The following ABCD3 variants were observed in gnomAD, a reference collection of about 807,000 sequenced individuals.
The protein encoded by ABCD3 is ATP binding cassette subfamily D member 3.
Under a neutral mutation model 105.5 loss-of-function variants are expected in ABCD3, and 41 were observed. That is an observed-to-expected ratio of 0.39 (90% CI 0.30 to 0.50). The LOEUF is 0.50. Among genes scored for constraint, ABCD3 ranks in the 20% least tolerant of loss-of-function variants. ABCD3 has a pLI of 0.84. For missense variants in ABCD3, 622 were observed against 806.3 expected (o/e 0.77, Z 2.77); for synonymous variants, 258 against 269.0 (o/e 0.96, Z 0.40).
the ABCD3 span, among the ~76,000 whole-genome samples, chr1:94,388,250 T>C: frequency 6.6e-6 from 1 of 152,216 alleles, no homozygotes; most frequent in African/African-American, 2.4e-5. Flanking sequence ...TGAAAGAAAT[T>C]CCGTTTAAAC....
intron 16 of ABCD3, among the ~76,000 whole-genome samples, chr1:94,497,140 G>A (rs1020730491): frequency 7.2e-5 from 11 of 151,984 alleles, no homozygotes; most frequent in Non-Finnish European, 1.0e-4. Flanking sequence ...CCGCTCCCAA[G>A]TTCCCTTTGT....
intron 21 of ABCD3, chr1:94,514,941 T>C: frequency 1.8e-6 from 1 of 545,808 alleles, no homozygotes; most frequent in Non-Finnish European, 3.3e-6. Flanking sequence ...TTAATGCCAG[T>C]ACCTGGTAGT....
chr1:94,427,715 A>T (rs557895226), intron 1 of ABCD3, among the ~76,000 whole-genome samples: 15 of 152,334 alleles, frequency 9.8e-5, no homozygotes, highest in African/African-American at 3.6e-4. Context: ...TCTCCAAGCG[A>T]TCGCCTGCCT....
At chr1:94,400,975 G>T in the ABCD3 span, among the ~76,000 whole-genome samples, 1 of 152,088 alleles carries the variant, frequency 6.6e-6, no homozygotes, top group Admixed American at 6.5e-5. Context: ...GAGGGGAACT[G>T]GTGGCTAGCA....
intron 1 of ABCD3, among the ~76,000 whole-genome samples, chr1:94,449,100 T>C (rs1340808205): frequency 2.6e-5 from 4 of 152,090 alleles, no homozygotes; most frequent in South Asian, 2.1e-4. Flanking sequence ...GGGGTAGAGG[T>C]TATGCTTGTG....
intron 18 of ABCD3, 42 bp from the exon 19 acceptor site, chr1:94,498,903 T>A: frequency 6.2e-7 from 1 of 1,611,226 alleles, no homozygotes; most frequent in Non-Finnish European, 8.5e-7. Flanking sequence ...TTATTTATTT[T>A]TTCATGTTGC....
At chr1:94,463,521 A>G (rs1010139760) in intron 2 of ABCD3, among the ~76,000 whole-genome samples, 2 of 152,164 alleles carry the variant, frequency 1.3e-5, no homozygotes, top group Non-Finnish European at 2.9e-5. Flanking sequence ...ACAAACAGGT[A>G]TTTGTTTGTC....
At chr1:94,506,479 C>G in intron 20 of ABCD3, 59 bp from the exon 21 acceptor site, 1 of 981,368 alleles carries the variant, frequency 1.0e-6, no homozygotes, top group Non-Finnish European at 1.6e-6. Flanking sequence ...AAGTTTGTTT[C>G]GGCTTACTAA....
At chr1:94,497,908 T>C (rs1649898099) in intron 16 of ABCD3, among the ~76,000 whole-genome samples, 1 of 152,236 alleles carries the variant, frequency 6.6e-6, no homozygotes, top group Non-Finnish European at 1.5e-5. Flanking sequence ...ATATCTGTGA[T>C]ATATTGTTAA....
At chr1:94,494,854 G>A (rs374385074) in intron 16 of ABCD3, among the ~76,000 whole-genome samples, 43 of 152,220 alleles carry the variant, frequency 2.8e-4, no homozygotes, top group African/African-American at 9.2e-4. Flanking sequence ...CAAGGTGGGC[G>A]GATTGCTTGA....
intron 1 of ABCD3, among the ~76,000 whole-genome samples, chr1:94,441,877 G>A (rs895504130): frequency 6.6e-6 from 1 of 152,142 alleles, no homozygotes; most frequent in Non-Finnish European, 1.5e-5. Flanking sequence ...GGGTCAAAAG[G>A]AGGGGGTGGT....
Position 94,515,484 on chromosome 1 carries a change from A to C in ABCD3, c.1902+282A>C, listed in dbSNP as rs1420299628. 2.0e-5 allele frequency among the ~76,000 whole-genome samples: 3 copies of C among 152,008 alleles called. No homozygotes were observed. The East Asian group carries it at 5.8e-4, about 29-fold the overall frequency. On this transcript the variant is annotated intron_variant, in intron 22 of 22. Coordinates refer to ENST00000370214, the MANE Select transcript of ABCD3 (RefSeq NM_002858.4). ...AGTCTTATCACAAATATGGTGAAGT[A>C]AACTTTTCTTATCCAGCAGTGACAG...
At chr1:94,473,886 T>C (rs762181512) in intron 5 of ABCD3, 51 bp downstream of exon 5, 3 of 1,401,084 alleles carry the variant, frequency 2.1e-6, no homozygotes, top group Admixed American at 1.7e-5. Context: ...TTGCATCTTA[T>C]TAAAATCTTT....
At chr1:94,453,682 G>A (rs1397566189) in intron 1 of ABCD3, among the ~76,000 whole-genome samples, 2 of 150,640 alleles carry the variant, frequency 1.3e-5, no homozygotes, top group Non-Finnish European at 3.0e-5. Flanking sequence ...TTTACATAGA[G>A]TTGAGATAAG....
At chr1:94,472,782 A>C (rs1648550205) in intron 4 of ABCD3, among the ~76,000 whole-genome samples, 1 of 152,140 alleles carries the variant, frequency 6.6e-6, no homozygotes, top group African/African-American at 2.4e-5. Context: ...GTGGGCAGCT[A>C]GGTTTAAACC....
upstream of ABCD3, among the ~76,000 whole-genome samples, chr1:94,414,648 A>G (rs1156391989): frequency 6.6e-6 from 1 of 152,038 alleles, no homozygotes. Context: ...ACCCTCCACA[A>G]ATTGACTTCA....
the ABCD3 span, among the ~76,000 whole-genome samples, chr1:94,410,772 C>G: frequency 6.6e-6 from 1 of 152,188 alleles, no homozygotes; most frequent in Non-Finnish European, 1.5e-5. Context: ...ATGGAACGGA[C>G]TCCATAATGC....
chr1:94,463,226 A>G (rs1647962973), intron 2 of ABCD3, among the ~76,000 whole-genome samples: 1 of 152,170 alleles, frequency 6.6e-6, no homozygotes, highest in South Asian at 2.1e-4. Context: ...GTTGCAGGGT[A>G]GGTGGATTCT....
intron 22 of ABCD3, among the ~76,000 whole-genome samples, chr1:94,516,287 T>G (rs957912996): frequency 3.3e-5 from 5 of 152,086 alleles, no homozygotes; most frequent in Non-Finnish European, 4.4e-5. Flanking sequence ...TGAAAGTACT[T>G]AATAAAATTC....
Sources: gnomAD v4.1 joint callset for allele counts (sites outside exome capture counted in the v4.1 genomes callset) on GRCh38, gnomAD v4.1.1 for gene constraint, MANE v1.5 for transcripts, NCBI Gene and HGNC (gene_info 2026-07-23, HGNC 2026-07-21) for gene names.